CLNK: variants seen among roughly 807,000 people sequenced by gnomAD.
The protein encoded by CLNK is cytokine-dependent hematopoietic cell linker.
A neutral mutation model predicts 68.6 loss-of-function variants in CLNK; 74 were observed. The ratio of observed to expected loss-of-function variants is 1.08; its 90% confidence interval spans 0.89 to 1.31. The LOEUF is 1.31. CLNK is among the 50% of genes most tolerant of loss of function. The pLI, the probability that CLNK is intolerant of heterozygous loss-of-function variation, is 0.00. For synonymous variants in CLNK, 198 were observed against 172.2 expected (o/e 1.15, Z -1.17); for missense variants, 553 against 515.3 (o/e 1.07, Z -0.71).
At chr4:10,671,203 T>C (rs935082245) in intron 1 of CLNK, among the ~76,000 whole-genome samples, 1 of 151,998 alleles carries the variant, frequency 6.6e-6, no homozygotes, top group African/African-American at 2.4e-5. Context: ...CTGGCCAACA[T>C]GGTGGAACCC....
At chr4:10,589,347 A>C (rs956256748) in intron 3 of CLNK, among the ~76,000 whole-genome samples, 3 of 152,130 alleles carry the variant, frequency 2.0e-5, no homozygotes, top group Admixed American at 2.0e-4. Flanking sequence ...TAGACCGCAG[A>C]GTTCTCTTGT....
chr4:10,545,780 T>C (rs1329645539), intron 8 of CLNK, among the ~76,000 whole-genome samples: 1 of 152,170 alleles, frequency 6.6e-6, no homozygotes, highest in Non-Finnish European at 1.5e-5. Context: ...GGTTGGAGGT[T>C]GCTGAGCCTC....
At chr4:10,572,792 GGC>G in intron 4 of CLNK, among the ~76,000 whole-genome samples, 1 of 152,160 alleles carries the variant, frequency 6.6e-6, no homozygotes, top group East Asian at 1.9e-4. Context: ...TTCTTGCTCT[GGC>G]TTTATCATTT....
At chr4:10,542,589 A>G (rs1197279810) in intron 8 of CLNK, among the ~76,000 whole-genome samples, 1 of 151,304 alleles carries the variant, frequency 6.6e-6, no homozygotes, top group Non-Finnish European at 1.5e-5. Context: ...GACTCTTAAG[A>G]CCCCTTTGAA....
upstream of CLNK, among the ~76,000 whole-genome samples, chr4:10,687,023 G>A (rs968191740): frequency 2.0e-5 from 3 of 151,962 alleles, no homozygotes; most frequent in African/African-American, 7.3e-5. Context: ...CTCCTTTGAT[G>A]GAGCTTACAG....
chr4:10,593,600 G>A lies in CLNK; in HGVS notation c.83+4378C>T, dbSNP rs147367353. Among the ~76,000 whole-genome samples the A allele has an allele frequency of 7.9e-3, 1,199 of 152,298 alleles. 21 individuals are homozygous for A. The highest frequency in any genetic ancestry group is 0.065 in the East Asian group (338 of 5,172). ...ACCTGAGAGGCGGAGGTTGCAGTGA[G>A]CTGAGATAGCACCACTGCACTCCAC... On this transcript the variant is annotated intron_variant, in intron 3 of 18. Coordinates refer to ENST00000226951, the MANE Select transcript of CLNK (RefSeq NM_052964.4).
At chr4:10,579,632 C>T (rs1341744639) in intron 4 of CLNK, among the ~76,000 whole-genome samples, 1 of 152,156 alleles carries the variant, frequency 6.6e-6, no homozygotes, top group African/African-American at 2.4e-5. Context: ...TCCAGAAATG[C>T]TTCTTGTCTA....
chr4:10,549,246 G>A (rs1306283422), intron 8 of CLNK, among the ~76,000 whole-genome samples: 1 of 152,176 alleles, frequency 6.6e-6, no homozygotes, highest in Admixed American at 6.5e-5. Flanking sequence ...TTCAAAGTAA[G>A]AGGTTAAGGT....
At chr4:10,682,149 G>GTA (rs1188382698) in intron 1 of CLNK, among the ~76,000 whole-genome samples, 1 of 151,970 alleles carries the variant, frequency 6.6e-6, no homozygotes, top group African/African-American at 2.4e-5. Context: ...GTGTGTGTGT[G>GTA]TGTGATTTTT....
intron 12 of CLNK, 121 bp downstream of exon 12, chr4:10,532,135 T>G: frequency 1.3e-6 from 1 of 770,858 alleles, no homozygotes; most frequent in Non-Finnish European, 2.3e-6. Flanking sequence ...TAATGCATTT[T>G]GAGCATAGCT....
intron 5 of CLNK, among the ~76,000 whole-genome samples, chr4:10,569,022 T>C (rs1232321411): frequency 6.6e-6 from 1 of 152,192 alleles, no homozygotes; most frequent in South Asian, 2.1e-4. Flanking sequence ...TAAAAGCAAC[T>C]GCAATGTGAA....
chr4:10,703,742 A>G, the CLNK span, among the ~76,000 whole-genome samples: 1 of 152,224 alleles, frequency 6.6e-6, no homozygotes, highest in Non-Finnish European at 1.5e-5. Context: ...TTCCTAGGCA[A>G]CAAATATGTA....
chr4:10,523,451 C>A (rs1365779641), intron 14 of CLNK, among the ~76,000 whole-genome samples: 1 of 151,998 alleles, frequency 6.6e-6, no homozygotes, highest in Non-Finnish European at 1.5e-5. Flanking sequence ...ATTACGCAGG[C>A]CTTAGAGATA....
At chr4:10,730,486 T>A in the CLNK span, among the ~76,000 whole-genome samples, 59 of 152,204 alleles carry the variant, frequency 3.9e-4, 2 homozygotes. Context: ...CTACATTGAA[T>A]TTTTAATCTT....
chr4:10,706,585 T>C, the CLNK span, among the ~76,000 whole-genome samples: 2 of 152,220 alleles, frequency 1.3e-5, no homozygotes, highest in Non-Finnish European at 2.9e-5. Flanking sequence ...AGTATGTATC[T>C]GTCATCTGCA....
At chr4:10,655,298 G>T (rs1373435191) in intron 2 of CLNK, among the ~76,000 whole-genome samples, 1 of 147,212 alleles carries the variant, frequency 6.8e-6, no homozygotes, top group South Asian at 2.2e-4. Context: ...GTTATCTGTA[G>T]ATTTCAAAGT....
In CLNK at chr4:10,574,332, C is replaced by T. The variant is rs534718420; in HGVS notation, c.113-2554G>A. ...CTTGAACTCTCTTCTCTGTGAGGCC[C>T]TACCTTGTGGGATTCCATATTCATT... On this transcript the variant is annotated intron_variant, in intron 4 of 18. Transcript: ENST00000226951. Among the ~76,000 whole-genome samples the T allele has an allele frequency of 1.7e-4, 26 of 152,292 alleles. No homozygotes were observed. In the South Asian group the frequency reaches 4.1e-3, roughly 24 times the overall value.
chr4:10,598,939 C>G (rs1721483268), intron 2 of CLNK, among the ~76,000 whole-genome samples: 2 of 152,302 alleles, frequency 1.3e-5, no homozygotes, highest in South Asian at 2.1e-4. Flanking sequence ...CCCACGGGGC[C>G]CTTTCAGGTA....
chr4:10,672,254 T>C (rs945228176), intron 1 of CLNK, among the ~76,000 whole-genome samples: 3 of 152,190 alleles, frequency 2.0e-5, no homozygotes, highest in Non-Finnish European at 4.4e-5. Context: ...CACTGGATCT[T>C]GCAAGACTGC....
Sources: allele counts gnomAD v4.1 joint callset (sites outside exome capture counted in the v4.1 genomes callset), GRCh38; gene constraint gnomAD v4.1.1; transcripts MANE v1.5; gene names NCBI Gene and HGNC (gene_info 2026-07-23, HGNC 2026-07-21).